The following KHDRBS2 variants were observed in gnomAD, a reference collection of about 807,000 sequenced individuals.
KHDRBS2 encodes the protein KH RNA binding domain containing, signal transduction associated 2, also known as KH domain-containing, RNA-binding, signal transduction-associated protein 2.
In KHDRBS2, 26 loss-of-function variants were observed where a neutral mutation model predicts 44.3. The observed-to-expected ratio is 0.59, with a 90% CI of 0.43 to 0.81. The LOEUF (loss-of-function observed/expected upper bound fraction) is 0.81. KHDRBS2 is among the 40% of genes least tolerant of loss of function. The pLI is 0.00. For missense variants in KHDRBS2, 476 were observed against 433.1 expected, an observed-to-expected ratio of 1.10 and a Z score of -0.88; for synonymous variants, 194 against 151.1, an observed-to-expected ratio of 1.28 and a Z score of -2.08.
intron 4 of KHDRBS2, among the ~76,000 whole-genome samples, chr6:61,902,012 G>A (rs1215627194): frequency 1.3e-5 from 2 of 152,146 alleles, no homozygotes; most frequent in Non-Finnish European, 2.9e-5. Context: ...CTGGAGTACA[G>A]TGGCATGATC....
intron 4 of KHDRBS2, among the ~76,000 whole-genome samples, chr6:61,946,980 G>A (rs567082673): frequency 5.0e-4 from 76 of 152,168 alleles, no homozygotes; most frequent in African/African-American, 1.7e-3. Flanking sequence ...GATCTTGGGC[G>A]GGCAAATGGA....
chr6:61,636,085 A>G, the KHDRBS2 span, among the ~76,000 whole-genome samples: 48 of 152,144 alleles, frequency 3.2e-4, no homozygotes, highest in African/African-American at 1.0e-3. Context: ...GTTTCTTTCA[A>G]ATTATGTTTT....
At chr6:61,767,660 T>C (rs1215230455) in intron 6 of KHDRBS2, among the ~76,000 whole-genome samples, 3 of 152,168 alleles carry the variant, frequency 2.0e-5, no homozygotes, top group African/African-American at 4.8e-5. Flanking sequence ...CCACTGAGGT[T>C]ACCATGAGGC....
chr6:61,577,236 A>G, the KHDRBS2 span, among the ~76,000 whole-genome samples: 1 of 151,190 alleles, frequency 6.6e-6, no homozygotes, highest in Non-Finnish European at 1.5e-5. Flanking sequence ...TAGAGCCAGG[A>G]TCACTACTCT....
At chr6:62,120,445 A>G (rs1807338711) in intron 2 of KHDRBS2, among the ~76,000 whole-genome samples, 1 of 152,182 alleles carries the variant, frequency 6.6e-6, no homozygotes, top group African/African-American at 2.4e-5. Context: ...GTGGAACCAC[A>G]GTCACTCAAT....
At chr6:61,670,733 C>T in the KHDRBS2 span, among the ~76,000 whole-genome samples, 1 of 151,012 alleles carries the variant, frequency 6.6e-6, no homozygotes, top group Non-Finnish European at 1.5e-5. Flanking sequence ...TCATCTAGTT[C>T]ATCCTCTTAT....
intron 2 of KHDRBS2, among the ~76,000 whole-genome samples, chr6:62,057,220 A>G (rs919150133): frequency 6.6e-6 from 1 of 151,976 alleles, no homozygotes; most frequent in Non-Finnish European, 1.5e-5. Context: ...TTTACCTGTC[A>G]CAGTTTAAGT....
At chr6:61,812,540 G>T (rs1788281737) in intron 6 of KHDRBS2, among the ~76,000 whole-genome samples, 1 of 151,926 alleles carries the variant, frequency 6.6e-6, no homozygotes, top group African/African-American at 2.4e-5. Flanking sequence ...TAGTATAAAT[G>T]CATCGTATAT....
At position 61,981,027 on chromosome 6, in the gene KHDRBS2, T is replaced by C. The variant is rs558373996; in HGVS notation, c.337-2815A>G. On this transcript the variant is annotated intron_variant, in intron 3 of 8. Coordinates refer to ENST00000281156, the MANE Select transcript of KHDRBS2 (RefSeq NM_152688.4). Reference sequence around the variant, plus strand: ...CCCTCTCATAAATACATATAGCTTTTCCCCCAAAACATGCTGAATATGTAT... The same window carrying C: ...CCCTCTCATAAATACATATAGCTTTCCCCCCAAAACATGCTGAATATGTAT... Among the ~76,000 whole-genome samples the C allele has an allele frequency of 1.6e-4, 24 of 152,132 alleles. No homozygotes were observed. In the East Asian group the frequency reaches 4.5e-3, roughly 28 times the overall value.
chr6:61,720,082 T>C (rs1772154605), intron 7 of KHDRBS2, among the ~76,000 whole-genome samples: 1 of 152,168 alleles, frequency 6.6e-6, no homozygotes, highest in Non-Finnish European at 1.5e-5. Context: ...TCCAATTTCA[T>C]CCATGTCCCT....
In KHDRBS2 at chr6:61,894,736, G is replaced by C; in HGVS notation, c.709C>G (p.Pro237Ala). ...TVTRGALPVP[P>A]VARGVPTPRA... Reference sequence around the variant, plus strand: ...GGGGTAGGGACACCTCTTGCTACAGGTGGCACTGGAAGCGCTCCACGGGTT... The same window carrying C: ...GGGGTAGGGACACCTCTTGCTACAGCTGGCACTGGAAGCGCTCCACGGGTT... Residue 237 changes from proline to alanine, a missense_variant, in exon 6 of 9, where the codon CCT (proline) becomes GCT (alanine). Physicochemically the swap from Pro to Ala is conservative, Grantham distance 27 (BLOSUM62 -1). Transcript: ENST00000281156. The C allele has an allele frequency of 6.2e-7, 1 of 1,613,706 alleles. No individual in the cohort carries two copies. The highest frequency in any genetic ancestry group is 8.5e-7 in the Non-Finnish European group (1 of 1,179,840).
intron 2 of KHDRBS2, among the ~76,000 whole-genome samples, chr6:62,067,624 A>T (rs1265312904): frequency 6.6e-6 from 1 of 151,542 alleles, no homozygotes; most frequent in Non-Finnish European, 1.5e-5. Context: ...AAAAGTGTAC[A>T]ATTCAATTTT....
intron 6 of KHDRBS2, among the ~76,000 whole-genome samples, chr6:61,870,073 AAGTGGTCTGGCTC>A (rs764259951): frequency 3.3e-5 from 5 of 150,862 alleles, no homozygotes; most frequent in Non-Finnish European, 5.9e-5. Context: ...CCAGGGAGCC[AAGTGGTCTGGCTC>A]AGTGGTTCTC....
intron 6 of KHDRBS2, among the ~76,000 whole-genome samples, chr6:61,773,754 T>A (rs1233061708): frequency 6.6e-6 from 1 of 151,838 alleles, no homozygotes; most frequent in Non-Finnish European, 1.5e-5. Context: ...CTACGTTTTC[T>A]TCTAGGGTTT....
chr6:61,803,490 C>T (rs559586327), intron 6 of KHDRBS2, among the ~76,000 whole-genome samples: 39 of 152,136 alleles, frequency 2.6e-4, no homozygotes, highest in Non-Finnish European at 5.3e-4. Flanking sequence ...ATTGTACGTA[C>T]TATATGCCAG....
At chr6:61,974,171 AAC>A (rs1345546170) in intron 4 of KHDRBS2, among the ~76,000 whole-genome samples, 1 of 152,176 alleles carries the variant, frequency 6.6e-6, no homozygotes, top group Non-Finnish European at 1.5e-5. Flanking sequence ...AGGAAAATAA[AAC>A]AGTGTTATCA....
At chr6:62,045,271 A>G (rs1338788948) in intron 3 of KHDRBS2, among the ~76,000 whole-genome samples, 6 of 152,076 alleles carry the variant, frequency 3.9e-5, no homozygotes, top group Non-Finnish European at 8.8e-5. Context: ...TTAAATAAAT[A>G]TATGGCTATA....
intron 2 of KHDRBS2, among the ~76,000 whole-genome samples, chr6:62,068,905 A>G (rs1794363079): frequency 2.0e-5 from 3 of 151,792 alleles, no homozygotes; most frequent in Admixed American, 1.3e-4. Flanking sequence ...GTAGCTTTGT[A>G]GTATATTTTG....
At chr6:62,182,317 A>G (rs1822482241) in intron 1 of KHDRBS2, among the ~76,000 whole-genome samples, 1 of 152,012 alleles carries the variant, frequency 6.6e-6, no homozygotes, top group South Asian at 2.1e-4. Flanking sequence ...GAAGGAGGAA[A>G]CAGGGAAGTG....
Sources: allele counts gnomAD v4.1 joint callset (sites outside exome capture counted in the v4.1 genomes callset), GRCh38; gene constraint gnomAD v4.1.1; transcripts MANE v1.5; gene names NCBI Gene and HGNC (gene_info 2026-07-23, HGNC 2026-07-21).